SPACDR: variants seen among roughly 807,000 people sequenced by gnomAD.
The protein encoded by SPACDR is sperm acrosome developmental regulator, also known as uncharacterized protein C7orf61.
the SPACDR span, among the ~76,000 whole-genome samples, chr7:100,461,639 CCCTTTCAAGCCAAGCTAACA>C: frequency 1.3e-5 from 2 of 152,008 alleles, no homozygotes; most frequent in Non-Finnish European, 2.9e-5. Flanking sequence ...CCCCTAACAA[CCCTTTCAAGCCAAGCTAACA>C]CCTTCAGGCC....
At chr7:100,460,315 C>T in the SPACDR span, among the ~76,000 whole-genome samples, 6 of 151,892 alleles carry the variant, frequency 4.0e-5, no homozygotes, top group East Asian at 2.0e-4. Flanking sequence ...CTTGGCCAGG[C>T]GCTGTGGCTC....
chr7:100,459,299 C>G, the SPACDR span, among the ~76,000 whole-genome samples: 7 of 150,880 alleles, frequency 4.6e-5, no homozygotes, highest in Non-Finnish European at 1.0e-4. Context: ...TGTGAGCCAC[C>G]GTGCCCGGCC....
At chr7:100,461,044 C>G in the SPACDR span, among the ~76,000 whole-genome samples, 2 of 152,082 alleles carry the variant, frequency 1.3e-5, no homozygotes, top group African/African-American at 4.8e-5. Flanking sequence ...TCGTTCCACT[C>G]CAACCCACAC....
chr7:100,463,989 G>T, the SPACDR span: 1 of 1,601,582 alleles, frequency 6.2e-7, no homozygotes, highest in South Asian at 1.1e-5. Flanking sequence ...TGCCAAGCCC[G>T]TCTAACCCAT....
At chr7:100,463,803 C>G in the SPACDR span, 1 of 1,242,562 alleles carries the variant, frequency 8.0e-7, no homozygotes, top group Non-Finnish European at 1.2e-6. Flanking sequence ...GCCTCTCTTC[C>G]TTCTCCTCCA....
chr7:100,464,055 G>T, the SPACDR span: 3 of 1,530,344 alleles, frequency 2.0e-6, no homozygotes, highest in Non-Finnish European at 2.7e-6. Context: ...ACAGAAGAAA[G>T]GGCAGAGCTA....
the SPACDR span, among the ~76,000 whole-genome samples, chr7:100,458,506 C>A: frequency 6.6e-6 from 1 of 152,070 alleles, no homozygotes; most frequent in Non-Finnish European, 1.5e-5. Flanking sequence ...CTCTGTGGCC[C>A]CTGGAAACCA....
the SPACDR span, among the ~76,000 whole-genome samples, chr7:100,458,276 T>C: frequency 1.3e-5 from 2 of 151,748 alleles, no homozygotes; most frequent in Admixed American, 1.3e-4. Flanking sequence ...TGCAGGTTCA[T>C]GTATCCAACT....
chr7:100,463,531 G>C, the SPACDR span: 2 of 1,614,004 alleles, frequency 1.2e-6, no homozygotes. Flanking sequence ...CCAGCTCGGG[G>C]GACTCACCCA....
the SPACDR span, chr7:100,456,947 C>G: frequency 6.2e-7 from 1 of 1,613,420 alleles, no homozygotes; most frequent in South Asian, 1.1e-5. Flanking sequence ...GTGACTGCGT[C>G]CTCACTTGGG....
At chr7:100,461,134 A>G in the SPACDR span, among the ~76,000 whole-genome samples, 1 of 151,568 alleles carries the variant, frequency 6.6e-6, no homozygotes, top group Non-Finnish European at 1.5e-5. Context: ...CCCAGGCTGG[A>G]GTGCAGTGGC....
At chr7:100,458,907 A>AT in the SPACDR span, among the ~76,000 whole-genome samples, 62 of 152,238 alleles carry the variant, frequency 4.1e-4, no homozygotes, top group Non-Finnish European at 8.1e-4. Context: ...AGCCTGGGCA[A>AT]TGAGAGTGAA....
chr7:100,461,833 C>CA, the SPACDR span, among the ~76,000 whole-genome samples: 98 of 150,916 alleles, frequency 6.5e-4, no homozygotes, highest in African/African-American at 2.2e-3. Flanking sequence ...ACTAAAAATA[C>CA]AAAAAAAAAT....
the SPACDR span, among the ~76,000 whole-genome samples, chr7:100,461,609 C>G: frequency 6.6e-6 from 1 of 151,906 alleles, no homozygotes; most frequent in Non-Finnish European, 1.5e-5. Context: ...CCTGGACACC[C>G]CTCCCACTCC....
the SPACDR span, among the ~76,000 whole-genome samples, chr7:100,459,725 A>G: frequency 6.6e-6 from 1 of 152,126 alleles, no homozygotes; most frequent in African/African-American, 2.4e-5. Context: ...TGGTGTTTCA[A>G]AGTGCTAGGA....
At chr7:100,456,754 A>T in the SPACDR span, 1 of 1,602,794 alleles carries the variant, frequency 6.2e-7, no homozygotes, top group East Asian at 2.2e-5. Context: ...GGTTCCCCCT[A>T]GAGGGGACTT....
the SPACDR span, among the ~76,000 whole-genome samples, chr7:100,460,661 T>A: frequency 1.4e-5 from 2 of 141,612 alleles, no homozygotes; most frequent in African/African-American, 5.1e-5. Flanking sequence ...TCTATTTTCC[T>A]TTTTTTTTTT....
At chr7:100,461,439 G>C in the SPACDR span, among the ~76,000 whole-genome samples, 1 of 151,686 alleles carries the variant, frequency 6.6e-6, no homozygotes, top group Non-Finnish European at 1.5e-5. Flanking sequence ...ACCGATTCCT[G>C]GCTTATTTTT....
chr7:100,459,084 A>G, the SPACDR span, among the ~76,000 whole-genome samples: 9 of 145,438 alleles, frequency 6.2e-5, no homozygotes, highest in African/African-American at 2.3e-4. Context: ...GCTCACTGCA[A>G]GCTCCGCCTC....
Sources: gnomAD v4.1 joint callset for allele counts (sites outside exome capture counted in the v4.1 genomes callset) on GRCh38, gnomAD v4.1.1 for gene constraint, MANE v1.5 for transcripts, NCBI Gene and HGNC (gene_info 2026-07-23, HGNC 2026-07-21) for gene names.